WDFY3: variants seen among roughly 807,000 people sequenced by gnomAD.
The protein encoded by WDFY3 is WD repeat and FYVE domain-containing protein 3.
In WDFY3, 66 loss-of-function variants were observed where a neutral mutation model predicts 409.6. The ratio of observed to expected loss-of-function variants is 0.16; its 90% CI spans 0.13 to 0.20. The LOEUF (loss-of-function observed/expected upper bound fraction) is 0.20. WDFY3 is among the 10% of genes least tolerant of loss of function. The probability of loss-of-function intolerance (pLI) is 1.00; values close to 1 mark genes in which losing one functional copy is unlikely to be tolerated. For synonymous variants in WDFY3, 1,521 were observed against 1,537.1 expected (o/e 0.99, Z 0.25); for missense variants, 3,031 against 4,298.1 (o/e 0.71, Z 8.24).
At chr4:84,719,046 T>C (rs1433634991) in intron 47 of WDFY3, among the ~76,000 whole-genome samples, 2 of 152,224 alleles carry the variant, frequency 1.3e-5, no homozygotes, top group African/African-American at 4.8e-5. Flanking sequence ...CTGGGTCAAG[T>C]TTCTTAATTT....
intron 41 of WDFY3, among the ~76,000 whole-genome samples, chr4:84,736,890 A>C (rs1301861544): frequency 6.6e-6 from 1 of 152,052 alleles, no homozygotes; most frequent in Non-Finnish European, 1.5e-5. Flanking sequence ...ATTATAGTTA[A>C]GGGATTGTGG....
At chr4:84,787,439 T>C (rs771795263) in intron 23 of WDFY3, 43 bp downstream of exon 23, 1 of 1,575,224 alleles carries the variant, frequency 6.3e-7, no homozygotes, top group South Asian at 1.1e-5. Flanking sequence ...ATTGCAGGAG[T>C]TAAGTTTCAT....
At position 84,790,785 on chromosome 4, in the gene WDFY3, A is replaced by G. The variant is rs184217774; in HGVS notation, c.3488-878T>C. On this transcript the variant is annotated intron_variant, in intron 21 of 67. Coordinates refer to ENST00000295888, the MANE Select transcript of WDFY3 (RefSeq NM_014991.6). ...GTAAAGAAACTAATAATCAATTAAA[A>G]ATGAGCTAAGAACTTGAATAGACAT... 5.3e-5 allele frequency among the ~76,000 whole-genome samples: 8 copies of G among 152,342 alleles called. No individual in the cohort carries two copies. The East Asian group carries it at 1.5e-3, about 29-fold the overall frequency.
At chr4:84,956,002 TAAC>T (rs1561159195) in intron 1 of WDFY3, among the ~76,000 whole-genome samples, 1 of 152,136 alleles carries the variant, frequency 6.6e-6, no homozygotes, top group Non-Finnish European at 1.5e-5. Flanking sequence ...AAATAGCACA[TAAC>T]AAAATAATTT....
intron 50 of WDFY3, 117 bp from the exon 51 acceptor site, chr4:84,713,356 C>A: frequency 1.2e-6 from 1 of 826,434 alleles, no homozygotes; most frequent in South Asian, 1.5e-5. Flanking sequence ...CTCCCATAAC[C>A]CACTAAATGG....
At position 84,670,575 on chromosome 4, in the gene WDFY3, C is replaced by T. The variant is rs555396177; in HGVS notation, c.*2293G>A. ...AGAAAGTTAGTAATGGAAGTTGTGTCGGAAAGTTTAAAAGTGTTCATCCCA... is the reference window on the plus strand; with the variant it reads ...AGAAAGTTAGTAATGGAAGTTGTGTTGGAAAGTTTAAAAGTGTTCATCCCA... On this transcript the variant is annotated 3_prime_UTR_variant, in exon 68 of 68. Coordinates refer to ENST00000295888, the MANE Select transcript of WDFY3 (RefSeq NM_014991.6). The T allele has an allele frequency of 8.5e-5, 13 of 152,702 alleles. No homozygotes were observed. In the South Asian group the frequency reaches 2.3e-3, roughly 27 times the overall value. The allele number at this position is 152,702 out of a possible 1,614,324, so 9.5% of individuals were successfully genotyped here.
At chr4:84,775,411 C>A (rs181642437) in intron 27 of WDFY3, among the ~76,000 whole-genome samples, 5 of 151,736 alleles carry the variant, frequency 3.3e-5, no homozygotes, top group East Asian at 1.9e-4. Flanking sequence ...TGACGAGGAG[C>A]CAAATGAAAG....
chr4:84,840,039 A>G (rs753077428), intron 6 of WDFY3, among the ~76,000 whole-genome samples: 3 of 152,184 alleles, frequency 2.0e-5, no homozygotes, highest in Non-Finnish European at 2.9e-5. Flanking sequence ...TGGTACAATT[A>G]TGTTACAGTT....
chr4:84,890,484 G>A (rs1402472032), intron 3 of WDFY3, among the ~76,000 whole-genome samples: 5 of 152,214 alleles, frequency 3.3e-5, no homozygotes, highest in African/African-American at 1.2e-4. Context: ...GTGTTGGACA[G>A]AGATCCTAGT....
chr4:84,811,343 A>G (rs1303142449), intron 13 of WDFY3, among the ~76,000 whole-genome samples: 1 of 152,210 alleles, frequency 6.6e-6, no homozygotes, highest in Non-Finnish European at 1.5e-5. Flanking sequence ...CTAATATTTT[A>G]TCAGGCACTT....
chr4:84,939,795 C>A (rs147236998), intron 1 of WDFY3, among the ~76,000 whole-genome samples: 305 of 152,164 alleles, frequency 2.0e-3, no homozygotes, highest in Admixed American at 4.0e-3. Flanking sequence ...CCTACCCTAT[C>A]CTAGAATCAT....
intron 3 of WDFY3, among the ~76,000 whole-genome samples, chr4:84,885,813 T>C (rs1448964253): frequency 6.6e-6 from 1 of 152,126 alleles, no homozygotes; most frequent in Non-Finnish European, 1.5e-5. Context: ...AGTGAGAAAA[T>C]GAACTGGATC....
chr4:84,755,525 TATAGAC>T (rs2149321900), intron 33 of WDFY3, 125 bp from the exon 34 acceptor site: 3 of 1,097,190 alleles, frequency 2.7e-6, no homozygotes, highest in South Asian at 1.8e-5. Flanking sequence ...TAACCAATGA[TATAGAC>T]ATAAAGAACT....
intron 1 of WDFY3, among the ~76,000 whole-genome samples, chr4:84,949,085 A>G (rs529232048): frequency 1.3e-5 from 2 of 152,288 alleles, no homozygotes; most frequent in African/African-American, 2.4e-5. Flanking sequence ...TGACCTTAAC[A>G]TGCAGCACTA....
At chr4:84,720,823 A>C (rs1734738900) in intron 47 of WDFY3, among the ~76,000 whole-genome samples, 1 of 133,992 alleles carries the variant, frequency 7.5e-6, no homozygotes, top group African/African-American at 2.8e-5. Flanking sequence ...TAAAGTGCAG[A>C]GTGGAAAAAA....
intron 2 of WDFY3, among the ~76,000 whole-genome samples, chr4:84,909,939 G>T (rs772516780): frequency 3.4e-4 from 51 of 151,912 alleles, no homozygotes; most frequent in Admixed American, 5.9e-4. Flanking sequence ...TTTAATATTT[G>T]CCATTCTTTT....
intron 55 of WDFY3, among the ~76,000 whole-genome samples, chr4:84,703,520 ACAAC>A (rs1325625234): frequency 6.6e-6 from 1 of 152,132 alleles, no homozygotes; most frequent in Non-Finnish European, 1.5e-5. Flanking sequence ...CTCTTCCCCT[ACAAC>A]TAACTTTCCT....
chr4:84,854,347 T>C (rs933976536), intron 4 of WDFY3, among the ~76,000 whole-genome samples: 1 of 152,162 alleles, frequency 6.6e-6, no homozygotes, highest in Non-Finnish European at 1.5e-5. Context: ...ATAGAGGAAC[T>C]AAAGCATGAA....
chr4:84,930,312 C>T (rs916015975), intron 2 of WDFY3, among the ~76,000 whole-genome samples: 3 of 152,164 alleles, frequency 2.0e-5, no homozygotes, highest in Non-Finnish European at 2.9e-5. Flanking sequence ...CTTAGGACCA[C>T]AGATATTTTA....
Sources: allele counts gnomAD v4.1 joint callset (sites outside exome capture counted in the v4.1 genomes callset), GRCh38; gene constraint gnomAD v4.1.1; transcripts MANE v1.5; gene names NCBI Gene and HGNC (gene_info 2026-07-23, HGNC 2026-07-21).